Variants in ROBO1 observed in about 807,000 individuals in gnomAD.
ROBO1 encodes the protein roundabout guidance receptor 1.
In ROBO1, 149 loss-of-function variants were observed where a neutral mutation model predicts 195.9. The ratio of observed to expected loss-of-function variants is 0.76; its 90% CI spans 0.67 to 0.87. The LOEUF (loss-of-function observed/expected upper bound fraction) is 0.87. ROBO1 is among the 40% of genes least tolerant of loss of function. The pLI, the probability that ROBO1 is intolerant of heterozygous loss-of-function variation, is 0.00. For synonymous variants in ROBO1, 816 were observed against 733.2 expected, an observed-to-expected ratio of 1.11 and a Z score of -1.82; for missense variants, 1,933 against 2,068.3, an observed-to-expected ratio of 0.93 and a Z score of 1.27.
chr3:78,770,639 C>T (rs1408965484), intron 4 of ROBO1, among the ~76,000 whole-genome samples: 2 of 152,128 alleles, frequency 1.3e-5, no homozygotes, highest in African/African-American at 4.8e-5. Context: ...AATGAGGCTC[C>T]ACTTGTCAAT....
At chr3:78,650,388 C>A (rs546756885) in intron 19 of ROBO1, among the ~76,000 whole-genome samples, 1 of 152,034 alleles carries the variant, frequency 6.6e-6, no homozygotes, top group East Asian at 1.9e-4. Flanking sequence ...AATGCATGTA[C>A]ATGAAGAGAT....
intron 28 of ROBO1, among the ~76,000 whole-genome samples, chr3:78,612,727 A>G (rs1319976666): frequency 6.6e-6 from 1 of 152,218 alleles, no homozygotes; most frequent in Non-Finnish European, 1.5e-5. Context: ...TATTGAAAGA[A>G]AGTGAATGCT....
chr3:79,645,643 C>T (rs1310855249), intron 1 of ROBO1, among the ~76,000 whole-genome samples: 3 of 152,012 alleles, frequency 2.0e-5, no homozygotes, highest in African/African-American at 4.8e-5. Flanking sequence ...TATATTGAAC[C>T]GTAATAGACC....
chr3:79,602,919 G>T (rs1198925221), intron 1 of ROBO1, among the ~76,000 whole-genome samples: 4 of 151,946 alleles, frequency 2.6e-5, no homozygotes, highest in Non-Finnish European at 5.9e-5. Flanking sequence ...ATTTTTGCAT[G>T]TTAGATCTTG....
intron 3 of ROBO1, among the ~76,000 whole-genome samples, chr3:78,947,894 C>A (rs899107668): frequency 6.6e-6 from 1 of 152,148 alleles, no homozygotes; most frequent in Non-Finnish European, 1.5e-5. Context: ...ACTATAAACA[C>A]CTCTACACAA....
At chr3:79,187,022 G>A (rs2081452312) in intron 2 of ROBO1, among the ~76,000 whole-genome samples, 1 of 152,030 alleles carries the variant, frequency 6.6e-6, no homozygotes, top group Admixed American at 6.6e-5. Flanking sequence ...TGATGTGAGT[G>A]GGAAGATGGA....
intron 4 of ROBO1, among the ~76,000 whole-genome samples, chr3:78,851,455 A>G (rs1352039114): frequency 1.3e-5 from 2 of 152,226 alleles, no homozygotes; most frequent in Non-Finnish European, 2.9e-5. Context: ...GACTCTAACT[A>G]ACCAGGTCCC....
At chr3:79,118,012 C>T (rs1173372062) in intron 3 of ROBO1, among the ~76,000 whole-genome samples, 5 of 152,124 alleles carry the variant, frequency 3.3e-5, no homozygotes, top group Non-Finnish European at 7.4e-5. Flanking sequence ...TGCCATAGGG[C>T]CACAACAGTA....
At chr3:78,734,612 GAA>G (rs766825582) in intron 5 of ROBO1, among the ~76,000 whole-genome samples, 2 of 140,442 alleles carry the variant, frequency 1.4e-5, no homozygotes, top group South Asian at 2.2e-4. Flanking sequence ...CCATTTGGGG[GAA>G]AAAAAAAAAA....
intron 18 of ROBO1, among the ~76,000 whole-genome samples, chr3:78,654,936 T>C (rs1706904639): frequency 6.6e-6 from 1 of 152,194 alleles, no homozygotes; most frequent in African/African-American, 2.4e-5. Context: ...TGAAATTTAA[T>C]AAAATTGGGC....
chr3:79,470,364 A>T (rs1326360587), intron 2 of ROBO1, among the ~76,000 whole-genome samples: 2 of 152,166 alleles, frequency 1.3e-5, no homozygotes, highest in Non-Finnish European at 2.9e-5. Flanking sequence ...GAACAATGAG[A>T]ACACCTGGAC....
At chr3:79,490,693 T>G (rs1939405651) in intron 2 of ROBO1, among the ~76,000 whole-genome samples, 1 of 152,186 alleles carries the variant, frequency 6.6e-6, no homozygotes, top group Admixed American at 6.5e-5. Context: ...GCTGACTTGG[T>G]GCACAGCCAA....
At chr3:79,473,743 G>C (rs934348057) in intron 2 of ROBO1, among the ~76,000 whole-genome samples, 1 of 151,966 alleles carries the variant, frequency 6.6e-6, no homozygotes, top group Non-Finnish European at 1.5e-5. Context: ...AAGATACAAA[G>C]GTTGTTTTAA....
At chr3:79,116,492 C>T (rs2080003398) in intron 3 of ROBO1, among the ~76,000 whole-genome samples, 1 of 142,592 alleles carries the variant, frequency 7.0e-6, no homozygotes, top group South Asian at 2.2e-4. Flanking sequence ...CTCTCCTTCT[C>T]TCTCTCTTTC....
At chr3:79,200,512 C>A (rs1447133359) in intron 2 of ROBO1, among the ~76,000 whole-genome samples, 1 of 151,244 alleles carries the variant, frequency 6.6e-6, no homozygotes, top group Non-Finnish European at 1.5e-5. Context: ...GGGTGATAGG[C>A]ATGAAAGAAG....
chr3:79,145,316 T>G (rs1057213349), intron 2 of ROBO1, among the ~76,000 whole-genome samples: 6 of 150,890 alleles, frequency 4.0e-5, no homozygotes, highest in Non-Finnish European at 7.4e-5. Flanking sequence ...ATTTATAGAC[T>G]CTGGAATCAA....
At chr3:79,114,797 T>C (rs1173222335) in intron 3 of ROBO1, among the ~76,000 whole-genome samples, 1 of 152,194 alleles carries the variant, frequency 6.6e-6, no homozygotes, top group Non-Finnish European at 1.5e-5. Flanking sequence ...ATATTCCACA[T>C]CTGGGTGAGC....
At chr3:78,834,069 T>C (rs936713801) in intron 4 of ROBO1, among the ~76,000 whole-genome samples, 4 of 151,876 alleles carry the variant, frequency 2.6e-5, no homozygotes, top group African/African-American at 9.7e-5. Flanking sequence ...GGAGATCCAG[T>C]AAGGTAGGAA....
intron 2 of ROBO1, among the ~76,000 whole-genome samples, chr3:79,180,616 A>G (rs1399935266): frequency 2.0e-5 from 3 of 152,106 alleles, no homozygotes; most frequent in Non-Finnish European, 4.4e-5. Context: ...CCTATATACC[A>G]TTTCTCAAGG....
Sources: gnomAD v4.1 joint callset for allele counts (sites outside exome capture counted in the v4.1 genomes callset) on GRCh38, gnomAD v4.1.1 for gene constraint, MANE v1.5 for transcripts, NCBI Gene and HGNC (gene_info 2026-07-23, HGNC 2026-07-21) for gene names.